FRA10AC1: variants seen among roughly 807,000 people sequenced by gnomAD.
FRA10AC1 encodes the protein FRA10A associated CGG repeat 1, also known as protein FRA10AC1.
A neutral mutation model predicts 56.5 loss-of-function variants in FRA10AC1; 43 were observed. That is an observed-to-expected ratio of 0.76 (90% confidence interval 0.60 to 0.98). The LOEUF (loss-of-function observed/expected upper bound fraction) is 0.98. Ranked by LOEUF, FRA10AC1 falls within the 50% of genes least tolerant of loss-of-function variation. The probability of loss-of-function intolerance (pLI) is 0.00; values close to 1 mark genes in which losing one functional copy is unlikely to be tolerated. For missense variants in FRA10AC1, 346 were observed against 351.8 expected (o/e 0.98, Z 0.13); for synonymous variants, 112 against 110.5 (o/e 1.01, Z -0.09).
chr10:93,693,201 A>T (rs2059153306), intron 5 of FRA10AC1, among the ~76,000 whole-genome samples: 1 of 150,870 alleles, frequency 6.6e-6, no homozygotes, highest in Non-Finnish European at 1.5e-5. Flanking sequence ...AAATGCTAAC[A>T]GTCTGGGGGT....
intron 10 of FRA10AC1, among the ~76,000 whole-genome samples, chr10:93,683,405 C>T (rs190452529): frequency 1.3e-5 from 2 of 151,916 alleles, no homozygotes; most frequent in Non-Finnish European, 2.9e-5. Context: ...GGCTGGAATG[C>T]AGTGGCTCAA....
chr10:93,683,979 A>T, intron 10 of FRA10AC1, 77 bp downstream of exon 10: 1 of 981,530 alleles, frequency 1.0e-6, no homozygotes, highest in South Asian at 1.4e-5. Context: ...CTAAGTCTAC[A>T]TTTAGATACT....
intron 4 of FRA10AC1, among the ~76,000 whole-genome samples, chr10:93,695,339 T>C (rs2059213569): frequency 6.6e-6 from 1 of 151,654 alleles, no homozygotes; most frequent in South Asian, 2.1e-4. Flanking sequence ...TCATAAAATA[T>C]AATTTATCTA....
At chr10:93,673,756 T>C (rs762552179) in intron 12 of FRA10AC1, 1 of 451,190 alleles carries the variant, frequency 2.2e-6, no homozygotes, top group South Asian at 1.6e-5. Flanking sequence ...AGGCACATAC[T>C]TTACATGTAT....
Position 93,692,008 on chromosome 10 carries a change from C to T in FRA10AC1, c.465+1G>A, listed in dbSNP as rs948208328. On this transcript the variant is annotated splice_donor_variant, in intron 7 of 13. Coordinates refer to ENST00000359204, the MANE Select transcript of FRA10AC1 (RefSeq NM_145246.5). LOFTEE classifies it high-confidence loss of function. ...TTTCCATAAATATGTGGAAAGCATA[C>T]CTTATTTTCTTTATATTTACTGAGA... 3.8e-6 allele frequency: 6 copies of T among 1,563,804 alleles called. No homozygotes were observed. The highest frequency in any genetic ancestry group is 5.2e-6 in the Non-Finnish European group (6 of 1,157,942).
intron 13 of FRA10AC1, 95 bp from the exon 14 acceptor site, chr10:93,669,963 T>C (rs2058735821): frequency 1.5e-6 from 1 of 646,030 alleles, no homozygotes; most frequent in Non-Finnish European, 2.7e-6. Flanking sequence ...ATACTTTAAG[T>C]CAACATATTG....
chr10:93,686,379 C>A lies in FRA10AC1; in HGVS notation c.512-1020G>T, dbSNP rs183532616. Among the ~76,000 whole-genome samples, 115 of 151,752 alleles carry A rather than the reference C, an allele frequency of 7.6e-4. No individual in the cohort carries two copies. In the Middle Eastern group the frequency reaches 0.014, roughly 18 times the overall value. ...GCTTTCTTTCCCTTTCCTAACTAGT[C>A]TTTTATTCAGTTATATGAATTTAGA... is the stretch of plus-strand genomic sequence containing the variant. On this transcript the variant is annotated intron_variant, in intron 8 of 13. Transcript: ENST00000359204.
At position 93,694,775 on chromosome 10, in the gene FRA10AC1, G is replaced by T. The variant is rs2059201387; in HGVS notation, c.296+86C>A. The stretch of plus-strand genomic sequence containing the variant: ...ACCGGAATAGAAAGCAGGGAAGAAT[G>T]ACAGAATCAGAAGGCACAGTAGCTG... On this transcript the variant is annotated intron_variant, in intron 5 of 13. Coordinates refer to ENST00000359204, the MANE Select transcript of FRA10AC1 (RefSeq NM_145246.5). 79 of 454,766 alleles carry T rather than the reference G, an allele frequency of 1.7e-4. 1 individual carries two copies. Among genetic ancestry groups the T allele is most frequent in the South Asian group, 8.4e-4 (41 of 48,932 alleles). 28.2% of individuals were successfully genotyped at this position (454,766 alleles called of 1,614,324 possible). A position where few individuals can be genotyped will look rare whatever the true frequency, so the allele number is the denominator to read the frequency against.
At position 93,669,808 on chromosome 10, in the gene FRA10AC1, A is replaced by G; in HGVS notation, c.*18T>C. The G allele has an allele frequency of 6.5e-7, 1 of 1,527,452 alleles. No homozygotes were observed. The highest frequency in any genetic ancestry group is 9.0e-7 in the Non-Finnish European group (1 of 1,116,304). 94.6% of individuals were successfully genotyped at this position (1,527,452 alleles called of 1,614,324 possible). A position where few individuals can be genotyped will look rare whatever the true frequency, so the allele number is the denominator to read the frequency against. On this transcript the variant is annotated 3_prime_UTR_variant, in exon 14 of 14. Coordinates refer to ENST00000359204, the MANE Select transcript of FRA10AC1 (RefSeq NM_145246.5). ...CATGAAGTTTCACATTAAGGAGCGGAGGCTTCTCTCTCTCGTCTCATAGAA... is the reference window on the plus strand; with the variant it reads ...CATGAAGTTTCACATTAAGGAGCGGGGGCTTCTCTCTCTCGTCTCATAGAA...
Position 93,669,676 on chromosome 10 carries a change from A to C in FRA10AC1, c.*150T>G, listed in dbSNP as rs1371365696. ...AACTAATGAACTTCCAAAGCCTCTGACATTCTGAGAGAACCTGGATTTTTA... is the reference window on the plus strand; with the variant it reads ...AACTAATGAACTTCCAAAGCCTCTGCCATTCTGAGAGAACCTGGATTTTTA... On this transcript the variant is annotated 3_prime_UTR_variant, in exon 14 of 14. Transcript: ENST00000359204. 1 of 620,312 alleles carries C rather than the reference A, an allele frequency of 1.6e-6. No individual in the cohort carries two copies. Among genetic ancestry groups the C allele is most frequent in the Non-Finnish European group, 2.9e-6 (1 of 348,358 alleles). 38.4% of individuals were successfully genotyped at this position (620,312 alleles called of 1,614,324 possible). A position where few individuals can be genotyped will look rare whatever the true frequency, so the allele number is the denominator to read the frequency against.
chr10:93,692,801 G>T, intron 5 of FRA10AC1, 72 bp from the exon 6 acceptor site: 3 of 855,520 alleles, frequency 3.5e-6, no homozygotes, highest in Non-Finnish European at 5.4e-6. Context: ...AGCTCTGTGA[G>T]TTTTGGAAAA....
chr10:93,696,769 C>T (rs2059241062), intron 4 of FRA10AC1, among the ~76,000 whole-genome samples: 1 of 152,188 alleles, frequency 6.6e-6, no homozygotes, highest in South Asian at 2.1e-4. Flanking sequence ...GAATACTATG[C>T]AACCACAAAA....
intron 4 of FRA10AC1, among the ~76,000 whole-genome samples, chr10:93,697,519 C>T (rs2059253258): frequency 1.3e-5 from 2 of 152,142 alleles, no homozygotes; most frequent in South Asian, 4.1e-4. Context: ...CTCCAATATT[C>T]TCAACAGCAG....
intron 11 of FRA10AC1, among the ~76,000 whole-genome samples, chr10:93,677,223 C>T (rs1466702360): frequency 2.6e-5 from 4 of 151,916 alleles, no homozygotes; most frequent in South Asian, 2.1e-4. Context: ...CACTGAAGAT[C>T]GGTCAGTGTA....
chr10:93,671,976 C>A (rs1349450610), intron 12 of FRA10AC1: 1 of 411,612 alleles, frequency 2.4e-6, no homozygotes, highest in Admixed American at 3.1e-5. Flanking sequence ...AAATAAATCA[C>A]CTGTATTAGT....
intron 10 of FRA10AC1, among the ~76,000 whole-genome samples, chr10:93,682,953 A>T (rs58257865): frequency 0.028 from 4,294 of 152,302 alleles, 113 homozygotes; most frequent in African/African-American, 0.077. Context: ...CATGTGATTA[A>T]AAAAAAGAAA....
chr10:93,698,065 T>G (rs1261345453), intron 4 of FRA10AC1, 71 bp downstream of exon 4: 1 of 879,010 alleles, frequency 1.1e-6, no homozygotes, highest in Admixed American at 3.0e-5. Flanking sequence ...TTCACAAGAT[T>G]TTATAAAACA....
chr10:93,701,340 G>A (rs1173411925), intron 1 of FRA10AC1, among the ~76,000 whole-genome samples: 3 of 152,168 alleles, frequency 2.0e-5, no homozygotes, highest in Non-Finnish European at 4.4e-5. Context: ...AGTGCAGCTG[G>A]AAAAAGAGGA....
intron 4 of FRA10AC1, among the ~76,000 whole-genome samples, chr10:93,696,236 A>G (rs544279591): frequency 1.3e-5 from 2 of 152,316 alleles, no homozygotes; most frequent in African/African-American, 2.4e-5. Context: ...TTTTTGTCTC[A>G]TGTATCCTAG....
Sources: allele counts gnomAD v4.1 joint callset (sites outside exome capture counted in the v4.1 genomes callset), GRCh38; gene constraint gnomAD v4.1.1; transcripts MANE v1.5; gene names NCBI Gene and HGNC (gene_info 2026-07-23, HGNC 2026-07-21).